Variants in PCDH9 observed in about 807,000 individuals in gnomAD.
PCDH9 encodes protocadherin 9, also known as protocadherin-9.
PCDH9 carries 24 observed loss-of-function variants against 70.6 expected under a neutral mutation model. The ratio of observed to expected loss-of-function variants is 0.34; its 90% CI spans 0.25 to 0.48. PCDH9 has a LOEUF of 0.48. PCDH9 is among the 20% of genes least tolerant of loss of function. The pLI is 0.99. For synonymous variants in PCDH9, 562 were observed against 558.5 expected, an observed-to-expected ratio of 1.01 and a Z score of -0.09; for missense variants, 1,281 against 1,503.6, an observed-to-expected ratio of 0.85 and a Z score of 2.45.
At chr13:66,816,856 G>GTTT (rs529534184) in intron 3 of PCDH9, among the ~76,000 whole-genome samples, 2 of 148,332 alleles carry the variant, frequency 1.3e-5, no homozygotes, top group East Asian at 2.0e-4. Context: ...GTAAAACAAG[G>GTTT]TTTTTTTTTT....
chr13:66,856,295 G>C (rs2081393457), intron 3 of PCDH9, among the ~76,000 whole-genome samples: 1 of 151,814 alleles, frequency 6.6e-6, no homozygotes. Context: ...CACATCAAGG[G>C]GCTATGAGAA....
At chr13:67,104,206 T>A (rs1019972716) in intron 2 of PCDH9, among the ~76,000 whole-genome samples, 3 of 152,218 alleles carry the variant, frequency 2.0e-5, no homozygotes, top group African/African-American at 7.2e-5. Context: ...TAGATTTAAC[T>A]GTGAGGATAA....
chr13:66,730,081 C>A (rs2079052900), intron 3 of PCDH9, among the ~76,000 whole-genome samples: 1 of 152,130 alleles, frequency 6.6e-6, no homozygotes, highest in Non-Finnish European at 1.5e-5. Flanking sequence ...CCTATAGCCC[C>A]ATTATACTAC....
intron 2 of PCDH9, among the ~76,000 whole-genome samples, chr13:66,934,558 G>GAGAA (rs1555288046): frequency 2.2e-5 from 3 of 134,818 alleles, no homozygotes; most frequent in Non-Finnish European, 4.7e-5. Context: ...AAAAAAAAAA[G>GAGAA]AAAAAGAAAA....
chr13:66,919,941 G>T (rs2082613080), intron 2 of PCDH9, among the ~76,000 whole-genome samples: 1 of 150,976 alleles, frequency 6.6e-6, no homozygotes, highest in African/African-American at 2.4e-5. Flanking sequence ...TTTCAAAATA[G>T]AAGATTAGGG....
chr13:67,140,025 A>ACCCCCCCC (rs34514187), intron 2 of PCDH9, among the ~76,000 whole-genome samples: 674 of 65,986 alleles, frequency 0.01, 14 homozygotes, highest in Non-Finnish European at 0.013. Context: ...TTTTTTGATC[A>ACCCCCCCC]CCCCCCCCCC....
intron 3 of PCDH9, among the ~76,000 whole-genome samples, chr13:66,864,404 G>T (rs2081536238): frequency 6.6e-6 from 1 of 152,090 alleles, no homozygotes; most frequent in African/African-American, 2.4e-5. Context: ...GCAAATATCA[G>T]ATGTTTTGAC....
intron 4 of PCDH9, among the ~76,000 whole-genome samples, chr13:66,450,647 T>C (rs1958186884): frequency 6.6e-6 from 1 of 152,180 alleles, no homozygotes; most frequent in Non-Finnish European, 1.5e-5. Flanking sequence ...ACTGCCAATG[T>C]CCATAAATGG....
chr13:67,124,485 A>G (rs943541072), intron 2 of PCDH9, among the ~76,000 whole-genome samples: 2 of 152,192 alleles, frequency 1.3e-5, no homozygotes, highest in African/African-American at 2.4e-5. Context: ...TTAGAAAGGC[A>G]TGCTAAAAAT....
At chr13:67,141,767 AG>A (rs199824700) in intron 2 of PCDH9, among the ~76,000 whole-genome samples, 2,905 of 92,716 alleles carry the variant, frequency 0.031, 83 homozygotes, top group African/African-American at 0.074. Flanking sequence ...AAAAAAAAAA[AG>A]AAGTTGGGAA....
intron 4 of PCDH9, among the ~76,000 whole-genome samples, chr13:66,315,918 G>A (rs995208942): frequency 2.0e-5 from 3 of 152,122 alleles, no homozygotes; most frequent in Non-Finnish European, 4.4e-5. Flanking sequence ...AAAACAACCA[G>A]CATTTATTTT....
intron 3 of PCDH9, among the ~76,000 whole-genome samples, chr13:66,766,767 T>C (rs547073452): frequency 6.6e-6 from 1 of 152,128 alleles, no homozygotes; most frequent in African/African-American, 2.4e-5. Context: ...CAGTCATTAG[T>C]GGTGTTGTAT....
intron 4 of PCDH9, among the ~76,000 whole-genome samples, chr13:66,606,803 T>C (rs1481327300): frequency 1.3e-5 from 2 of 152,134 alleles, no homozygotes; most frequent in African/African-American, 2.4e-5. Context: ...AATTCTCTTT[T>C]ACTTGAAGCT....
intron 4 of PCDH9, among the ~76,000 whole-genome samples, chr13:66,435,986 A>G (rs573103897): frequency 1.3e-5 from 2 of 152,302 alleles, no homozygotes; most frequent in African/African-American, 4.8e-5. Flanking sequence ...GATGTGAGCA[A>G]TGCAAGAGGA....
chr13:66,414,809 GC>G (rs1439068092), intron 4 of PCDH9, among the ~76,000 whole-genome samples: 4 of 151,918 alleles, frequency 2.6e-5, no homozygotes, highest in African/African-American at 7.2e-5. Flanking sequence ...TTTTTATTTT[GC>G]CCCCCAGAAA....
chr13:66,532,311 G>A (rs1480603209), intron 4 of PCDH9, among the ~76,000 whole-genome samples: 1 of 151,978 alleles, frequency 6.6e-6, no homozygotes, highest in African/African-American at 2.4e-5. Flanking sequence ...TTTGTAAGGT[G>A]GAAATGCTTA....
intron 3 of PCDH9, among the ~76,000 whole-genome samples, chr13:66,874,877 AAG>A (rs1374377476): frequency 6.6e-6 from 1 of 150,948 alleles, no homozygotes; most frequent in East Asian, 2.0e-4. Flanking sequence ...TTTTTGAGGT[AAG>A]GAGGCAGATA....
At chr13:66,318,503 C>T (rs1955695437) in intron 4 of PCDH9, among the ~76,000 whole-genome samples, 1 of 152,018 alleles carries the variant, frequency 6.6e-6, no homozygotes, top group African/African-American at 2.4e-5. Context: ...AATTTTGTTG[C>T]CACATCAATA....
chr13:66,433,504 C>T (rs533187073), intron 4 of PCDH9, among the ~76,000 whole-genome samples: 26 of 150,724 alleles, frequency 1.7e-4, no homozygotes, highest in Non-Finnish European at 4.4e-5. Context: ...ATAATGCCTA[C>T]ATGCTAATAT....
Sources: allele counts gnomAD v4.1 joint callset (sites outside exome capture counted in the v4.1 genomes callset), GRCh38; gene constraint gnomAD v4.1.1; transcripts MANE v1.5; gene names NCBI Gene and HGNC (gene_info 2026-07-23, HGNC 2026-07-21).